Variants in ZBTB5 observed in about 807,000 individuals in gnomAD.
ZBTB5 encodes the protein zinc finger and BTB domain-containing protein 5.
In ZBTB5, 15 loss-of-function variants were observed where a neutral mutation model predicts 37.9. That is an observed-to-expected ratio of 0.40 (90% CI 0.26 to 0.61). The LOEUF (loss-of-function observed/expected upper bound fraction) is 0.61. Among genes scored for constraint, ZBTB5 ranks in the 20% least tolerant of loss-of-function variants. ZBTB5 has a pLI of 0.47. For missense variants in ZBTB5, 708 were observed against 856.8 expected, an observed-to-expected ratio of 0.83 and a Z score of 2.17; for synonymous variants, 315 against 312.4, an observed-to-expected ratio of 1.01 and a Z score of -0.09.
At chr9:37,447,992 A>C (rs1824023137) in intron 1 of ZBTB5, among the ~76,000 whole-genome samples, 1 of 152,148 alleles carries the variant, frequency 6.6e-6, no homozygotes, top group Admixed American at 6.5e-5. Context: ...CCTCATCTCT[A>C]AAATAAATAA....
chr9:37,463,208 A>C (rs1824325262), intron 1 of ZBTB5, among the ~76,000 whole-genome samples: 1 of 152,358 alleles, frequency 6.6e-6, no homozygotes, highest in Non-Finnish European at 1.5e-5. Flanking sequence ...TAGTTCACTC[A>C]GAAACAGCTG....
intron 1 of ZBTB5, among the ~76,000 whole-genome samples, chr9:37,458,361 T>C (rs533070687): frequency 9.2e-5 from 14 of 152,260 alleles, no homozygotes; most frequent in Non-Finnish European, 1.6e-4. Context: ...TCCTGCATTC[T>C]GAAATACAAG....
chr9:37,447,660 T>C (rs1824013240), intron 1 of ZBTB5, among the ~76,000 whole-genome samples: 1 of 152,170 alleles, frequency 6.6e-6, no homozygotes, highest in African/African-American at 2.4e-5. Flanking sequence ...TTACATTATT[T>C]CTAATCTTCA....
chr9:37,444,275 T>C (rs1588775657), intron 1 of ZBTB5, among the ~76,000 whole-genome samples: 1 of 152,118 alleles, frequency 6.6e-6, no homozygotes, highest in Non-Finnish European at 1.5e-5. Context: ...GTCGGCTCAC[T>C]GCAACCTCCG....
intron 1 of ZBTB5, among the ~76,000 whole-genome samples, chr9:37,448,147 G>A (rs1824029462): frequency 1.3e-5 from 2 of 152,142 alleles, no homozygotes; most frequent in Non-Finnish European, 2.9e-5. Context: ...CTGGAAGACA[G>A]GCAAACAGTA....
intron 1 of ZBTB5, among the ~76,000 whole-genome samples, chr9:37,445,319 C>CA (rs1044537224): frequency 6.6e-6 from 1 of 151,988 alleles, no homozygotes; most frequent in African/African-American, 2.4e-5. Context: ...TAGGTTATCT[C>CA]AAAAAATAGT....
chr9:37,441,878 CCT>C lies in ZBTB5; in HGVS notation c.672_673del (p.Val226SerfsTer17). 1 of 1,614,158 alleles carries C rather than the reference CCT, an allele frequency of 6.2e-7. No individual in the cohort carries two copies. The highest frequency in any genetic ancestry group is 8.5e-7 in the Non-Finnish European group (1 of 1,180,036). ...AAAGAACTCCTCCCGAGAATGAACC[CCT>C]GAAGGCCCATTCTCCGGTGTAACAT... On this transcript the variant is annotated frameshift_variant, in exon 2 of 2. Transcript: ENST00000307750. LOFTEE classifies it high-confidence loss of function.
At position 37,440,442 on chromosome 9, in the gene ZBTB5, C is replaced by T. The variant is rs184801425; in HGVS notation, c.*76G>A. 3 of 1,357,422 alleles carry T rather than the reference C, an allele frequency of 2.2e-6. No individual in the cohort carries two copies. In the Admixed American group the frequency reaches 6.0e-5, roughly 27 times the overall value. 84.1% of individuals were successfully genotyped at this position (1,357,422 alleles called of 1,614,324 possible). A position where few individuals can be genotyped will look rare whatever the true frequency, so the allele number is the denominator to read the frequency against. Reference sequence around the variant, plus strand: ...CACTGGGCAGCTGGAAGCCTCGAACCCAAAGGCATTAACTGCTTACCAAAA... The same window carrying T: ...CACTGGGCAGCTGGAAGCCTCGAACTCAAAGGCATTAACTGCTTACCAAAA... On this transcript the variant is annotated 3_prime_UTR_variant, in exon 2 of 2. Coordinates refer to ENST00000307750, the MANE Select transcript of ZBTB5 (RefSeq NM_014872.3).
intron 1 of ZBTB5, among the ~76,000 whole-genome samples, chr9:37,449,515 T>C (rs763879003): frequency 3.9e-5 from 6 of 152,064 alleles, no homozygotes; most frequent in East Asian, 1.9e-4. Flanking sequence ...TTGGCCAACA[T>C]GGTGAAACCC....
intron 1 of ZBTB5, among the ~76,000 whole-genome samples, chr9:37,442,976 T>C (rs575000644): frequency 4.6e-5 from 7 of 152,160 alleles, no homozygotes; most frequent in Admixed American, 1.3e-4. Flanking sequence ...AAATCAATAT[T>C]AGTGTGGAAG....
intron 1 of ZBTB5, among the ~76,000 whole-genome samples, chr9:37,464,507 A>T (rs1287526780): frequency 6.7e-6 from 1 of 148,934 alleles, no homozygotes; most frequent in Non-Finnish European, 1.5e-5. Flanking sequence ...TGACTGACTT[A>T]AAAAAAAATG....
chr9:37,441,620 T>C lies in ZBTB5; in HGVS notation c.932A>G (p.Gln311Arg), dbSNP rs1373517735. ...AAGGCCAACCTCAGGGTTTTCACAC[T>C]GAAAACTACTTTTCTCAGGTGCAGC... ...QEAAPEKSSF[Q>R]CENPEVGLGE... Residue 311 changes from glutamine to arginine, a missense_variant, in exon 2 of 2, where the codon CAG becomes CGG. Gln to Arg is a conservative substitution (Grantham distance 43). Transcript: ENST00000307750. The C allele has an allele frequency of 6.2e-7, 1 of 1,613,406 alleles. No homozygotes were observed. The highest frequency in any genetic ancestry group is 1.6e-4 in the Middle Eastern group (1 of 6,062).
intron 1 of ZBTB5, among the ~76,000 whole-genome samples, chr9:37,449,984 T>A (rs561445683): frequency 6.6e-6 from 1 of 152,086 alleles, no homozygotes; most frequent in African/African-American, 2.4e-5. Context: ...GAAAGCCCAT[T>A]TGCATAATAA....
chr9:37,458,859 A>T (rs1824237736), intron 1 of ZBTB5, among the ~76,000 whole-genome samples: 1 of 152,256 alleles, frequency 6.6e-6, no homozygotes, highest in African/African-American at 2.4e-5. Flanking sequence ...AAGCTAATGT[A>T]TTTTAATGCA....
chr9:37,441,680 C>A lies in ZBTB5; in HGVS notation c.872G>T (p.Arg291Leu). ...AAAACTAGTCTCAACCTGAGTTGCA[C>A]GAGAGGCCATGGACAACTGTGCCAT... ...GNMAQLSMAS[R>L]ATQVETSFDQ... Residue 291 changes from arginine (R) to leucine (L), a missense_variant, in exon 2 of 2, where the codon CGT becomes CTT. Arg to Leu is a moderately radical substitution (Grantham distance 102). This residue lies in a region of ZBTB5 where 639 missense variants were observed against 690.5 expected (regional missense o/e 0.93). Coordinates refer to ENST00000307750, the MANE Select transcript of ZBTB5 (RefSeq NM_014872.3). 1.2e-6 allele frequency: 2 copies of A among 1,613,872 alleles called. No homozygotes were observed. The highest frequency in any genetic ancestry group is 1.7e-6 in the Non-Finnish European group (2 of 1,179,998).
chr9:37,445,595 G>A (rs938821084), intron 1 of ZBTB5, among the ~76,000 whole-genome samples: 2 of 150,826 alleles, frequency 1.3e-5, no homozygotes, highest in Non-Finnish European at 2.9e-5. Flanking sequence ...GCAGTGAGCA[G>A]AGATCACGTC....
chr9:37,450,921 C>T (rs1824091609), intron 1 of ZBTB5, among the ~76,000 whole-genome samples: 2 of 151,402 alleles, frequency 1.3e-5, no homozygotes, highest in South Asian at 4.2e-4. Context: ...CATGTAATTA[C>T]CAAAAGAATT....
rs1823809008 is a variant in ZBTB5 at position 37,439,362 on chromosome 9, GAAC to G, written c.*1153_*1155del. The G allele has an allele frequency of 6.6e-6, 1 of 152,226 alleles. No individual in the cohort carries two copies. Among genetic ancestry groups the G allele is most frequent in the African/African-American group, 2.4e-5 (1 of 41,454 alleles). The allele number at this position is 152,226 out of a possible 1,614,324, so 9.4% of individuals were successfully genotyped here. On this transcript the variant is annotated 3_prime_UTR_variant, in exon 2 of 2. Transcript: ENST00000307750. ...CATAGCCTAGAAAATATTTACCCAT[GAAC>G]ACTACCATGTTTGGATTTCAAACAA...
At chr9:37,448,290 G>A (rs536739330) in intron 1 of ZBTB5, among the ~76,000 whole-genome samples, 2 of 152,246 alleles carry the variant, frequency 1.3e-5, no homozygotes, top group African/African-American at 4.8e-5. Flanking sequence ...GGAACTTCCT[G>A]TTATACCTTG....
Sources: allele counts gnomAD v4.1 joint callset (sites outside exome capture counted in the v4.1 genomes callset), GRCh38; gene constraint gnomAD v4.1.1; regional missense constraint gnomAD v4.1.1; transcripts MANE v1.5; gene names NCBI Gene and HGNC (gene_info 2026-07-23, HGNC 2026-07-21).